The following TAF13 variants were observed in gnomAD, a reference collection of about 807,000 sequenced individuals.
TAF13 encodes the protein TATA-box binding protein associated factor 13, also known as transcription initiation factor TFIID subunit 13.
TAF13 carries 9 observed loss-of-function variants against 18.7 expected under a neutral mutation model. The observed-to-expected ratio is 0.48, with a 90% CI of 0.29 to 0.84. The LOEUF is 0.84. Ranked by LOEUF, TAF13 falls within the 40% of genes least tolerant of loss-of-function variation. The pLI is 0.08. For missense variants in TAF13, 105 were observed against 146.5 expected (o/e 0.72, Z 1.46); for synonymous variants, 49 against 44.1 (o/e 1.11, Z -0.44).
At chr1:109,066,040 T>C in intron 3 of TAF13, 95 bp downstream of exon 3, 1 of 1,033,770 alleles carries the variant, frequency 9.7e-7, no homozygotes. Flanking sequence ...GGATAGCTTA[T>C]TTCAAAGGGA....
At chr1:109,065,941 A>G (rs554857776) in intron 3 of TAF13, among the ~76,000 whole-genome samples, 194 bp downstream of exon 3, 1 of 152,100 alleles carries the variant, frequency 6.6e-6, no homozygotes, top group African/African-American at 2.4e-5. Context: ...AAAAAACAAA[A>G]GGAAGAAGGG....
intron 3 of TAF13, among the ~76,000 whole-genome samples, chr1:109,065,600 T>C (rs1352270621): frequency 2.0e-5 from 3 of 152,032 alleles, no homozygotes; most frequent in African/African-American, 7.2e-5. Context: ...TTTTATTTTA[T>C]TCAAGGATTT....
rs969170844 is a variant in TAF13, at chr1:109,074,971, G to A, written c.106+16C>T. ...TTTCATCATCTATAACAAAATCATT[G>A]TCAAATACTACTTACATTCTTTAGA... On this transcript the variant is annotated intron_variant, in intron 2 of 3. Coordinates refer to ENST00000338366, the MANE Select transcript of TAF13 (RefSeq NM_005645.4). 1 of 1,579,464 alleles carries A rather than the reference G, an allele frequency of 6.3e-7. No individual in the cohort carries two copies. The highest frequency in any genetic ancestry group is 1.4e-5 in the African/African-American group (1 of 73,104).
chr1:109,065,910 A>G (rs951009083), intron 3 of TAF13, among the ~76,000 whole-genome samples: 8 of 150,592 alleles, frequency 5.3e-5, no homozygotes, highest in Non-Finnish European at 1.0e-4. Context: ...AACAAGAACG[A>G]AACTCCATCT....
At chr1:109,074,064 T>C (rs527944188) in intron 2 of TAF13, among the ~76,000 whole-genome samples, 2 of 152,300 alleles carry the variant, frequency 1.3e-5, no homozygotes, top group East Asian at 1.9e-4. Flanking sequence ...GCCGCCACCC[T>C]GTCTGGGAGG....
intron 2 of TAF13, 130 bp from the exon 3 acceptor site, chr1:109,066,362 G>A (rs1218476100): frequency 8.6e-6 from 6 of 700,034 alleles, no homozygotes; most frequent in Non-Finnish European, 1.4e-5. Flanking sequence ...CATCGTATTT[G>A]TTATCTCCAA....
intron 2 of TAF13, among the ~76,000 whole-genome samples, chr1:109,070,692 TC>T (rs1314796798): frequency 1.3e-5 from 2 of 150,832 alleles, no homozygotes; most frequent in East Asian, 1.9e-4. Flanking sequence ...CCGTACCCAG[TC>T]CCCCCCAAAT....
chr1:109,066,050 A>G (rs1357636581), intron 3 of TAF13, 85 bp downstream of exon 3: 17 of 1,093,596 alleles, frequency 1.6e-5, no homozygotes, highest in Non-Finnish European at 2.1e-5. Context: ...TTTCAAAGGG[A>G]TGCCATAAGT....
At chr1:109,066,267 T>C (rs1013577390) in intron 2 of TAF13, 35 bp from the exon 3 acceptor site, 1 of 1,521,118 alleles carries the variant, frequency 6.6e-7, no homozygotes, top group East Asian at 2.3e-5. Flanking sequence ...TTGTTTACTT[T>C]TACAGATTTA....
chr1:109,064,712 T>A lies in TAF13; in HGVS notation c.205-19A>T. Reference sequence around the variant, plus strand: ...TGTGAGTCTATTACAAAGAAACATATTACATTTAACTTTTTTAAATCTAAT... The same window carrying A: ...TGTGAGTCTATTACAAAGAAACATAATACATTTAACTTTTTTAAATCTAAT... On this transcript the variant is annotated intron_variant, in intron 3 of 3. Coordinates refer to ENST00000338366, the MANE Select transcript of TAF13 (RefSeq NM_005645.4). 1 of 1,422,732 alleles carries A rather than the reference T, an allele frequency of 7.0e-7. No homozygotes were observed. The highest frequency in any genetic ancestry group is 9.3e-7 in the Non-Finnish European group (1 of 1,080,948). The allele number at this position is 1,422,732 out of a possible 1,614,324, so 88.1% of individuals were successfully genotyped here.
intron 2 of TAF13, among the ~76,000 whole-genome samples, chr1:109,071,368 G>C (rs188828464): frequency 1.1e-4 from 16 of 151,982 alleles, no homozygotes; most frequent in East Asian, 7.8e-4. Context: ...TTAAACCTGG[G>C]AGGTGGAGGT....
chr1:109,071,954 G>GAAAAAAAAAAAA lies in TAF13; in HGVS notation c.106+3032_106+3033insTTTTTTTTTTTT, dbSNP rs1171636503. On this transcript the variant is annotated intron_variant, in intron 2 of 3. Transcript: ENST00000338366. ...CAACAGTGAGACTCTGTCTCAAAAAGAAAATATATATATATATATATACAC... is the reference window on the plus strand; with the variant it reads ...CAACAGTGAGACTCTGTCTCAAAAAGAAAAAAAAAAAAAAAATATATATATATATATATACAC... 2.5e-4 allele frequency among the ~76,000 whole-genome samples: 10 copies of GAAAAAAAAAAAA among 40,480 alleles called. 2 individuals are homozygous for GAAAAAAAAAAAA. In the South Asian group the frequency reaches 9.3e-3, roughly 38 times the overall value. 26.6% of individuals were successfully genotyped at this position (40,480 alleles called of 152,430 possible).
chr1:109,064,834 C>T (rs1192769398), intron 3 of TAF13, 141 bp from the exon 4 acceptor site: 3 of 666,812 alleles, frequency 4.5e-6, no homozygotes, highest in African/African-American at 3.8e-5. Flanking sequence ...AATTATCTTT[C>T]TACTCATGTC....
chr1:109,066,122 G>T lies in TAF13; in HGVS notation c.204+13C>A, dbSNP rs778884545. The T allele has an allele frequency of 3.1e-6, 5 of 1,596,582 alleles. No homozygotes were observed. The African/African-American group carries it at 6.7e-5, about 22-fold the overall frequency. Reference sequence around the variant, plus strand: ...TCTTCAATTAACTAAGACCAGTTAGGAAAGAATCTTACCATTTCAGTGATA... The same window carrying T: ...TCTTCAATTAACTAAGACCAGTTAGTAAAGAATCTTACCATTTCAGTGATA... On this transcript the variant is annotated intron_variant, in intron 3 of 3. Coordinates refer to ENST00000338366, the MANE Select transcript of TAF13 (RefSeq NM_005645.4).
chr1:109,065,913 C>T (rs1663943639), intron 3 of TAF13, among the ~76,000 whole-genome samples: 2 of 145,774 alleles, frequency 1.4e-5, no homozygotes, highest in South Asian at 4.3e-4. Flanking sequence ...AAGAACGAAA[C>T]TCCATCTCAA....
chr1:109,065,729 C>T (rs1359193065), intron 3 of TAF13, among the ~76,000 whole-genome samples: 1 of 151,964 alleles, frequency 6.6e-6, no homozygotes, highest in Non-Finnish European at 1.5e-5. Flanking sequence ...TTGAGACCAG[C>T]CTGACCAACA....
At chr1:109,073,337 A>G (rs1361872051) in intron 2 of TAF13, among the ~76,000 whole-genome samples, 1 of 151,896 alleles carries the variant, frequency 6.6e-6, no homozygotes, top group African/African-American at 2.4e-5. Context: ...CAGGAGATCG[A>G]GATCATCCTG....
At chr1:109,070,260 C>T (rs1405871933) in intron 2 of TAF13, among the ~76,000 whole-genome samples, 1 of 152,082 alleles carries the variant, frequency 6.6e-6, no homozygotes, top group African/African-American at 2.4e-5. Context: ...CTCTCTGTCA[C>T]CAGGCTGGAG....
intron 2 of TAF13, 78 bp from the exon 3 acceptor site, chr1:109,066,310 A>G: frequency 8.8e-7 from 1 of 1,131,676 alleles, no homozygotes; most frequent in South Asian, 1.5e-5. Flanking sequence ...TAAAGTAGAA[A>G]TGAACCAAGT....
Sources: allele counts gnomAD v4.1 joint callset (sites outside exome capture counted in the v4.1 genomes callset), GRCh38; gene constraint gnomAD v4.1.1; transcripts MANE v1.5; gene names NCBI Gene and HGNC (gene_info 2026-07-23, HGNC 2026-07-21).